The following TPH2 variants were observed in gnomAD, a reference collection of about 807,000 sequenced individuals.
TPH2 encodes the protein tryptophan 5-hydroxylase 2.
In TPH2, 27 loss-of-function variants were observed where a neutral mutation model predicts 59.1. The observed-to-expected ratio is 0.46, with a 90% CI of 0.34 to 0.63. TPH2 has a LOEUF of 0.63. Among genes scored for constraint, TPH2 ranks in the 30% least tolerant of loss-of-function variants. The pLI is 0.01. For synonymous variants in TPH2, 220 were observed against 210.5 expected (o/e 1.05, Z -0.39); for missense variants, 523 against 588.3 (o/e 0.89, Z 1.15).
chr12:71,995,142 A>G (rs531349394), intron 8 of TPH2, among the ~76,000 whole-genome samples: 1 of 152,334 alleles, frequency 6.6e-6, no homozygotes, highest in East Asian at 1.9e-4. Flanking sequence ...TTCTAAGTAC[A>G]AAACCAGGAA....
At chr12:72,022,270 A>G in intron 8 of TPH2, 129 bp from the exon 9 acceptor site, 2 of 711,310 alleles carry the variant, frequency 2.8e-6, no homozygotes, top group South Asian at 3.0e-5. Context: ...AATGTTCTTG[A>G]TTTAAATGTA....
intron 5 of TPH2, among the ~76,000 whole-genome samples, chr12:71,949,915 C>A (rs1237065442): frequency 6.6e-6 from 1 of 152,042 alleles, no homozygotes; most frequent in African/African-American, 2.4e-5. Context: ...AGACAAAGAC[C>A]ATTTCTGTGC....
chr12:71,970,236 G>A (rs1282665668), intron 5 of TPH2, among the ~76,000 whole-genome samples: 2 of 152,148 alleles, frequency 1.3e-5, no homozygotes, highest in Non-Finnish European at 2.9e-5. Flanking sequence ...TTGGGTTTAG[G>A]GTAGGAGCAG....
rs145080906 is a variant in TPH2 at position 71,946,588 on chromosome 12, C to T, written c.540+1902C>T. 8.8e-4 allele frequency among the ~76,000 whole-genome samples: 134 copies of T among 152,228 alleles called. 3 individuals are homozygous for T. In the East Asian group the frequency reaches 0.025, roughly 28 times the overall value. ...GTCATTTTTTAAACCGCATATATTT[C>T]TTTTATACGCACACCAAATGTTCAT... is the stretch of plus-strand genomic sequence containing the variant. On this transcript the variant is annotated intron_variant, in intron 4 of 10. Coordinates refer to ENST00000333850, the MANE Select transcript of TPH2 (RefSeq NM_173353.4).
At chr12:71,998,473 G>T (rs1350345365) in intron 8 of TPH2, among the ~76,000 whole-genome samples, 1 of 151,692 alleles carries the variant, frequency 6.6e-6, no homozygotes, top group African/African-American at 2.4e-5. Flanking sequence ...AAAACAAAGT[G>T]AATAGAAAAT....
chr12:72,005,266 A>G (rs1566157150), intron 8 of TPH2, among the ~76,000 whole-genome samples: 1 of 152,132 alleles, frequency 6.6e-6, no homozygotes, highest in African/African-American at 2.4e-5. Flanking sequence ...TAGAACGTCC[A>G]TAAAAAATCA....
chr12:72,023,254 T>A (rs953884582), intron 9 of TPH2, among the ~76,000 whole-genome samples: 4 of 152,232 alleles, frequency 2.6e-5, no homozygotes, highest in Admixed American at 1.3e-4. Context: ...TAATCTTTCT[T>A]TGACTATTCA....
chr12:71,970,390 A>C (rs4362186), intron 5 of TPH2, among the ~76,000 whole-genome samples: 89,566 of 151,496 alleles, frequency 0.59, 26,725 homozygotes, highest in African/African-American at 0.65. Context: ...CTGTATAACA[A>C]TTTCTTCCTA....
At chr12:71,982,032 TAGACAGAG>T (rs1260138458) in intron 7 of TPH2, among the ~76,000 whole-genome samples, 1 of 144,340 alleles carries the variant, frequency 6.9e-6, no homozygotes, top group Non-Finnish European at 1.5e-5. Context: ...TTTTTTTTTT[TAGACAGAG>T]TCTCACTCTG....
intron 9 of TPH2, among the ~76,000 whole-genome samples, chr12:72,026,271 G>A (rs11179064): frequency 0.038 from 5,764 of 151,132 alleles, 272 homozygotes; most frequent in East Asian, 0.21. Flanking sequence ...CATCTGTTTC[G>A]CTCTTTGGGT....
chr12:71,958,910 GA>G (rs1029568127), intron 5 of TPH2, among the ~76,000 whole-genome samples: 1 of 152,192 alleles, frequency 6.6e-6, no homozygotes, highest in African/African-American at 2.4e-5. Flanking sequence ...TAGCATATCT[GA>G]AAAATGCAAT....
chr12:71,969,386 A>C (rs1592391718), intron 5 of TPH2, among the ~76,000 whole-genome samples: 1 of 152,168 alleles, frequency 6.6e-6, no homozygotes, highest in African/African-American at 2.4e-5. Context: ...TTTACAAAAA[A>C]CCCACTAACC....
chr12:71,996,857 A>G (rs910782401), intron 8 of TPH2, among the ~76,000 whole-genome samples: 1 of 152,258 alleles, frequency 6.6e-6, no homozygotes, highest in Non-Finnish European at 1.5e-5. Context: ...TGATTAATTA[A>G]TTCCATCATT....
Position 71,962,085 on chromosome 12 carries a change from G to A in TPH2, c.609-10434G>A, listed in dbSNP as rs1208215447. 7.0e-6 allele frequency: 7 copies of A among 999,048 alleles called. No individual in the cohort carries two copies. In the East Asian group the frequency reaches 5.2e-4, roughly 74 times the overall value. 61.9% of individuals were successfully genotyped at this position (999,048 alleles called of 1,614,324 possible). A position where few individuals can be genotyped will look rare whatever the true frequency, so the allele number is the denominator to read the frequency against. On this transcript the variant is annotated intron_variant, in intron 5 of 10. Coordinates refer to ENST00000333850, the MANE Select transcript of TPH2 (RefSeq NM_173353.4). ...GGCCTAGGGGACTAGCTGAAAATGC[G>A]TTTATGCCTTTATGTTTACTCTATG...
intron 5 of TPH2, among the ~76,000 whole-genome samples, chr12:71,953,319 C>T (rs1472071299): frequency 1.3e-5 from 2 of 152,116 alleles, no homozygotes; most frequent in African/African-American, 4.8e-5. Flanking sequence ...TTCCTTAATG[C>T]CCCGCATGCT....
At chr12:72,017,920 T>C (rs1873303290) in intron 8 of TPH2, among the ~76,000 whole-genome samples, 1 of 152,218 alleles carries the variant, frequency 6.6e-6, no homozygotes, top group African/African-American at 2.4e-5. Flanking sequence ...TTAGTGATCA[T>C]GCCCTATGCA....
At chr12:71,953,442 C>G (rs953098351) in intron 5 of TPH2, among the ~76,000 whole-genome samples, 1 of 152,072 alleles carries the variant, frequency 6.6e-6, no homozygotes, top group African/African-American at 2.4e-5. Context: ...GGGTGGGGCA[C>G]AGATACTAAC....
At chr12:71,976,440 A>T (rs1242793615) in intron 6 of TPH2, among the ~76,000 whole-genome samples, 1 of 152,162 alleles carries the variant, frequency 6.6e-6, no homozygotes, top group Non-Finnish European at 1.5e-5. Context: ...GAAACTTTTA[A>T]AGCAATGGTA....
chr12:71,999,393 G>C (rs114077579), intron 8 of TPH2, among the ~76,000 whole-genome samples: 1,539 of 152,208 alleles, frequency 0.01, 23 homozygotes, highest in African/African-American at 0.035. Flanking sequence ...TTGCCCTCTG[G>C]TGGATAATAA....
Sources: allele counts gnomAD v4.1 joint callset (sites outside exome capture counted in the v4.1 genomes callset), GRCh38; gene constraint gnomAD v4.1.1; transcripts MANE v1.5; gene names NCBI Gene and HGNC (gene_info 2026-07-23, HGNC 2026-07-21).